The following MTUS2 variants were observed in gnomAD, a reference collection of about 807,000 sequenced individuals.
MTUS2 encodes the protein microtubule-associated tumor suppressor candidate 2.
In MTUS2, 40 loss-of-function variants were observed where a neutral mutation model predicts 114.1. The ratio of observed to expected loss-of-function variants is 0.35; its 90% CI spans 0.27 to 0.46. The LOEUF is 0.46. MTUS2 is among the 20% of genes least tolerant of loss of function. The pLI is 1.00. For missense variants in MTUS2, 1,679 were observed against 1,705.4 expected (o/e 0.98, Z 0.27); for synonymous variants, 688 against 672.0 (o/e 1.02, Z -0.37).
At chr13:29,403,378 C>T (rs573847377) in intron 8 of MTUS2, among the ~76,000 whole-genome samples, 9 of 152,152 alleles carry the variant, frequency 5.9e-5, no homozygotes, top group Non-Finnish European at 1.3e-4. Context: ...TTTGGCACCA[C>T]GATCACCTAA....
At chr13:29,497,130 C>CT in intron 12 of MTUS2, 108 bp from the exon 13 acceptor site, 1 of 935,784 alleles carries the variant, frequency 1.1e-6, no homozygotes. Flanking sequence ...GGGAAACACT[C>CT]TGAGGATGCC....
intron 5 of MTUS2, among the ~76,000 whole-genome samples, chr13:29,189,240 T>G (rs868054902): frequency 2.2e-4 from 34 of 152,378 alleles, no homozygotes; most frequent in South Asian, 2.1e-4. Context: ...TCACAAACAT[T>G]AGGTTCAGGA....
intron 2 of MTUS2, among the ~76,000 whole-genome samples, chr13:29,022,467 G>A (rs994007904): frequency 9.2e-5 from 14 of 152,216 alleles, no homozygotes; most frequent in African/African-American, 3.4e-4. Flanking sequence ...TGGGATTACA[G>A]GTGTGAGCTA....
intron 1 of MTUS2, among the ~76,000 whole-genome samples, chr13:28,826,230 A>C (rs890417073): frequency 2.0e-5 from 3 of 152,230 alleles, no homozygotes; most frequent in African/African-American, 7.2e-5. Flanking sequence ...AGATGGTCAT[A>C]TCATCTGCTA....
chr13:28,841,134 A>T (rs966623765), intron 2 of MTUS2, among the ~76,000 whole-genome samples: 1 of 152,192 alleles, frequency 6.6e-6, no homozygotes, highest in African/African-American at 2.4e-5. Flanking sequence ...TTCATAATGG[A>T]TGGTTCTTCA....
At chr13:29,325,191 C>G (rs1242003152) in intron 7 of MTUS2, among the ~76,000 whole-genome samples, 1 of 152,098 alleles carries the variant, frequency 6.6e-6, no homozygotes, top group Non-Finnish European at 1.5e-5. Flanking sequence ...CGTGGTGGCT[C>G]ACGCCTGTAA....
intron 5 of MTUS2, among the ~76,000 whole-genome samples, chr13:29,144,895 A>C (rs1017046635): frequency 6.6e-6 from 1 of 152,212 alleles, no homozygotes; most frequent in Non-Finnish European, 1.5e-5. Flanking sequence ...GTGTGGTCAC[A>C]CCTTACAGTA....
At chr13:29,100,670 A>T in intron 4 of MTUS2, 103 bp from the exon 5 acceptor site, 1 of 1,298,238 alleles carries the variant, frequency 7.7e-7, no homozygotes, top group Non-Finnish European at 1.1e-6. Flanking sequence ...GATTAATTTT[A>T]GTCTGTTTAT....
At chr13:28,923,345 G>A (rs1308379550) in intron 2 of MTUS2, among the ~76,000 whole-genome samples, 1 of 152,180 alleles carries the variant, frequency 6.6e-6, no homozygotes, top group Non-Finnish European at 1.5e-5. Flanking sequence ...TTCTGATTGT[G>A]TTCTGGACAT....
At chr13:29,018,350 T>A (rs890085105) in intron 2 of MTUS2, among the ~76,000 whole-genome samples, 4 of 152,224 alleles carry the variant, frequency 2.6e-5, no homozygotes, top group Admixed American at 6.5e-5. Context: ...GAGTTTCCCT[T>A]CATTCAGGAA....
At chr13:28,917,735 A>T (rs1303291082) in intron 2 of MTUS2, among the ~76,000 whole-genome samples, 1 of 151,360 alleles carries the variant, frequency 6.6e-6, no homozygotes, top group Admixed American at 6.6e-5. Flanking sequence ...ATTTCGCTTT[A>T]ATCTTTGTTA....
Position 28,963,849 on chromosome 13 carries a change from A to G in MTUS2, c.-242-60608A>G, listed in dbSNP as rs563226127. Among the ~76,000 whole-genome samples, 5 of 152,140 alleles carry G rather than the reference A, an allele frequency of 3.3e-5. 1 individual carries two copies. The South Asian group carries it at 1.0e-3, about 32-fold the overall frequency. ...CTTATCCTTTCACGACCTTGGCACA[A>G]TGGCATTCACCCTCCTTCTTGAAAT... is the stretch of plus-strand genomic sequence containing the variant. On this transcript the variant is annotated intron_variant, in intron 2 of 15. Coordinates refer to ENST00000612955, the MANE Select transcript of MTUS2 (RefSeq NM_001033602.4).
chr13:29,466,919 C>T (rs1429739191), intron 9 of MTUS2, among the ~76,000 whole-genome samples: 2 of 151,246 alleles, frequency 1.3e-5, no homozygotes, highest in Non-Finnish European at 2.9e-5. Flanking sequence ...AGAGAGGTGC[C>T]TTCCACATCC....
intron 8 of MTUS2, among the ~76,000 whole-genome samples, chr13:29,416,679 A>G (rs1008585748): frequency 6.6e-6 from 1 of 152,190 alleles, no homozygotes; most frequent in Non-Finnish European, 1.5e-5. Flanking sequence ...ATACTTGGAC[A>G]ACTTAACTTT....
At chr13:29,247,757 T>C (rs1422454730) in intron 5 of MTUS2, among the ~76,000 whole-genome samples, 2 of 152,178 alleles carry the variant, frequency 1.3e-5, no homozygotes, top group African/African-American at 4.8e-5. Flanking sequence ...ATAATAGATG[T>C]TAACATGGAT....
intron 2 of MTUS2, among the ~76,000 whole-genome samples, chr13:28,910,695 T>A (rs1304126968): frequency 6.6e-6 from 1 of 152,124 alleles, no homozygotes; most frequent in Non-Finnish European, 1.5e-5. Context: ...TTCATGTCCC[T>A]GCAAAGGACA....
chr13:29,134,885 C>T (rs1891913933), intron 5 of MTUS2, among the ~76,000 whole-genome samples: 1 of 152,150 alleles, frequency 6.6e-6, no homozygotes, highest in Non-Finnish European at 1.5e-5. Context: ...CGTACCCGGC[C>T]AACACTTTTT....
At chr13:29,366,382 T>C (rs1275678684) in intron 8 of MTUS2, among the ~76,000 whole-genome samples, 2 of 152,074 alleles carry the variant, frequency 1.3e-5, no homozygotes, top group African/African-American at 4.8e-5. Context: ...TTCAGTTACC[T>C]CCCACCAGGT....
At chr13:28,971,334 A>G (rs1240296631) in intron 2 of MTUS2, among the ~76,000 whole-genome samples, 1 of 152,210 alleles carries the variant, frequency 6.6e-6, no homozygotes, top group Non-Finnish European at 1.5e-5. Flanking sequence ...CTGTTTCACA[A>G]GGAAAACAAA....
Sources: allele counts gnomAD v4.1 joint callset (sites outside exome capture counted in the v4.1 genomes callset), GRCh38; gene constraint gnomAD v4.1.1; transcripts MANE v1.5; gene names NCBI Gene and HGNC (gene_info 2026-07-23, HGNC 2026-07-21).